The following CDKAL1 variants were observed in gnomAD, a reference collection of about 807,000 sequenced individuals.
The protein encoded by CDKAL1 is CDKAL1 threonylcarbamoyladenosine tRNA methylthiotransferase, also known as threonylcarbamoyladenosine tRNA methylthiotransferase.
In CDKAL1, 32 loss-of-function variants were observed where a neutral mutation model predicts 68.2. The observed-to-expected ratio is 0.47, with a 90% CI of 0.35 to 0.63. The LOEUF (loss-of-function observed/expected upper bound fraction) is 0.63, where lower values mean the gene tolerates loss of function less well. Among genes scored for constraint, CDKAL1 ranks in the 30% least tolerant of loss-of-function variants. The pLI is 0.00. For missense variants in CDKAL1, 606 were observed against 696.7 expected (o/e 0.87, Z 1.47); for synonymous variants, 234 against 244.3 (o/e 0.96, Z 0.39).
At chr6:20,920,047 T>C (rs1438889151) in intron 9 of CDKAL1, among the ~76,000 whole-genome samples, 1 of 152,136 alleles carries the variant, frequency 6.6e-6, no homozygotes, top group African/African-American at 2.4e-5. Flanking sequence ...TTGTGCTGGA[T>C]TGGGGATTGT....
chr6:20,607,402 AT>A (rs1445348927), intron 4 of CDKAL1, among the ~76,000 whole-genome samples: 1 of 152,228 alleles, frequency 6.6e-6, no homozygotes, highest in Non-Finnish European at 1.5e-5. Context: ...ACTATCATAG[AT>A]TTTTATATCA....
intron 6 of CDKAL1, among the ~76,000 whole-genome samples, chr6:20,740,654 A>T (rs903162787): frequency 2.0e-5 from 3 of 152,188 alleles, no homozygotes; most frequent in Admixed American, 1.3e-4. Flanking sequence ...TCCTTATTTG[A>T]TATACTACTG....
chr6:20,776,389 A>G (rs867490757), intron 7 of CDKAL1, among the ~76,000 whole-genome samples: 1 of 152,244 alleles, frequency 6.6e-6, no homozygotes, highest in African/African-American at 2.4e-5. Flanking sequence ...GCATGTTTCC[A>G]TATCAGAGCA....
At position 20,943,501 on chromosome 6, in the gene CDKAL1, CAT is replaced by C. The variant is rs201218773; in HGVS notation, c.743-11917_743-11916del. 3.3e-5 allele frequency among the ~76,000 whole-genome samples: 5 copies of C among 152,086 alleles called. No homozygotes were observed. In the East Asian group the frequency reaches 7.7e-4, roughly 24 times the overall value. Reference sequence around the variant, plus strand: ...TTAGCCATATTTTAGGGACTCTACTCATGTGTTAGTGTGCTTGGTGTGGTTCT... The same window carrying C: ...TTAGCCATATTTTAGGGACTCTACTCGTGTTAGTGTGCTTGGTGTGGTTCT... On this transcript the variant is annotated intron_variant, in intron 9 of 15. Coordinates refer to ENST00000274695, the MANE Select transcript of CDKAL1 (RefSeq NM_017774.3).
In CDKAL1 at chr6:21,224,589, T is replaced by C. The variant is rs1488691663; in HGVS notation, c.1549-6259T>C. ...GGCTTTGAAAATGGAAAAAAAAGGG[T>C]CACAGGCCAAGAGATGTAGGCAAAT... On this transcript the variant is annotated intron_variant, in intron 15 of 15. Transcript: ENST00000274695. Among the ~76,000 whole-genome samples, 2 of 151,852 alleles carry C rather than the reference T, an allele frequency of 1.3e-5. 1 individual carries two copies. Among genetic ancestry groups the C allele is most frequent in the East Asian group, 3.9e-4 (2 of 5,136 alleles).
intron 13 of CDKAL1, among the ~76,000 whole-genome samples, chr6:21,121,416 T>C (rs1050686046): frequency 3.1e-4 from 47 of 152,222 alleles, no homozygotes; most frequent in African/African-American, 1.1e-3. Flanking sequence ...GTCTTATTAA[T>C]TGTAAGACTC....
At position 21,067,378 on chromosome 6, in the gene CDKAL1, G is replaced by C. The variant is rs184812938; in HGVS notation, c.1236+2150G>C. On this transcript the variant is annotated intron_variant, in intron 12 of 15. Coordinates refer to ENST00000274695, the MANE Select transcript of CDKAL1 (RefSeq NM_017774.3). ...GTTGGCGAACTAATCTGTTTTTAAA[G>C]TAGCTGTAGTTCATCCATTGTTATT... Among the ~76,000 whole-genome samples the C allele has an allele frequency of 3.0e-3, 455 of 152,286 alleles. 2 individuals are homozygous for C. Among genetic ancestry groups the C allele is most frequent in the African/African-American group, 0.01 (431 of 41,546 alleles).
chr6:20,657,264 A>G (rs1197975334), intron 5 of CDKAL1, among the ~76,000 whole-genome samples: 5 of 152,088 alleles, frequency 3.3e-5, no homozygotes, highest in African/African-American at 9.7e-5. Context: ...TTGGTTTTCC[A>G]TGAGAGTGAG....
At chr6:20,670,666 G>T (rs1356557262) in intron 5 of CDKAL1, among the ~76,000 whole-genome samples, 1 of 152,086 alleles carries the variant, frequency 6.6e-6, no homozygotes, top group East Asian at 1.9e-4. Context: ...AATTATTTAT[G>T]TCAGTGTAGA....
chr6:20,554,379 G>T (rs1355419363), intron 4 of CDKAL1, among the ~76,000 whole-genome samples: 2 of 152,114 alleles, frequency 1.3e-5, no homozygotes, highest in East Asian at 3.8e-4. Context: ...GTCATCCTTT[G>T]TTTATTGTTT....
intron 9 of CDKAL1, among the ~76,000 whole-genome samples, chr6:20,924,032 A>G (rs772766257): frequency 6.6e-6 from 1 of 151,152 alleles, no homozygotes; most frequent in Non-Finnish European, 1.5e-5. Flanking sequence ...TAAGCTTAGT[A>G]AGGAAGGCGT....
chr6:21,119,181 G>A (rs1562046684), intron 13 of CDKAL1, among the ~76,000 whole-genome samples: 1 of 151,496 alleles, frequency 6.6e-6, no homozygotes, highest in South Asian at 2.1e-4. Flanking sequence ...CATTTCCCTG[G>A]TTTACTTTCT....
chr6:20,567,512 G>A (rs941605653), intron 4 of CDKAL1, among the ~76,000 whole-genome samples: 1 of 151,970 alleles, frequency 6.6e-6, no homozygotes, highest in African/African-American at 2.4e-5. Context: ...TTTTTCTGAT[G>A]GAGAGCGTGA....
intron 5 of CDKAL1, among the ~76,000 whole-genome samples, chr6:20,717,112 TG>T (rs1339276469): frequency 6.6e-6 from 1 of 151,544 alleles, no homozygotes; most frequent in African/African-American, 2.4e-5. Context: ...AGTGGAGAGG[TG>T]GACACACAAG....
At chr6:20,760,793 A>T (rs764932124) in intron 7 of CDKAL1, among the ~76,000 whole-genome samples, 53 of 152,184 alleles carry the variant, frequency 3.5e-4, no homozygotes, top group African/African-American at 8.2e-4. Context: ...ATAATTTTTT[A>T]AAAAAATTAA....
intron 5 of CDKAL1, among the ~76,000 whole-genome samples, chr6:20,670,235 C>T (rs760278856): frequency 1.3e-5 from 2 of 152,148 alleles, no homozygotes; most frequent in Non-Finnish European, 2.9e-5. Context: ...GTGAAGTTCA[C>T]TTGGGTTAGT....
chr6:21,130,111 A>G (rs1325806238), intron 13 of CDKAL1, among the ~76,000 whole-genome samples: 1 of 149,676 alleles, frequency 6.7e-6, no homozygotes, highest in East Asian at 2.0e-4. Flanking sequence ...GTTTCTAGCT[A>G]TTGTTGATTT....
intron 7 of CDKAL1, among the ~76,000 whole-genome samples, chr6:20,777,653 A>G (rs1775230505): frequency 6.6e-6 from 1 of 152,142 alleles, no homozygotes; most frequent in Admixed American, 6.5e-5. Context: ...AATTACGTAA[A>G]AAACAATAAT....
At chr6:21,131,798 T>A (rs1348841475) in intron 13 of CDKAL1, among the ~76,000 whole-genome samples, 2 of 148,336 alleles carry the variant, frequency 1.3e-5, no homozygotes, top group Non-Finnish European at 1.5e-5. Context: ...GTTTTTATTT[T>A]AAAAATATTT....
Sources: gnomAD v4.1 joint callset for allele counts (sites outside exome capture counted in the v4.1 genomes callset) on GRCh38, gnomAD v4.1.1 for gene constraint, MANE v1.5 for transcripts, NCBI Gene and HGNC (gene_info 2026-07-23, HGNC 2026-07-21) for gene names.